Variants in RPGRIP1 observed in about 807,000 individuals in gnomAD.
RPGRIP1 encodes the protein RPGR interacting protein 1.
Under a neutral mutation model 157.9 loss-of-function variants are expected in RPGRIP1, and 128 were observed. The observed-to-expected ratio is 0.81, with a 90% CI of 0.70 to 0.94. RPGRIP1 has a LOEUF of 0.94. Ranked by LOEUF, RPGRIP1 falls within the 40% of genes least tolerant of loss-of-function variation. RPGRIP1 has a pLI of 0.00. For missense variants in RPGRIP1, 1,486 were observed against 1,545.8 expected (o/e 0.96, Z 0.65); for synonymous variants, 554 against 571.6 (o/e 0.97, Z 0.44).
chr14:21,286,296 A>G (rs968736633), intron 1 of RPGRIP1, among the ~76,000 whole-genome samples: 1 of 151,876 alleles, frequency 6.6e-6, no homozygotes, highest in African/African-American at 2.4e-5. Context: ...TGGCTGATAC[A>G]TGTTTTAAAG....
At chr14:21,345,435 T>C (rs575632494) in intron 23 of RPGRIP1, among the ~76,000 whole-genome samples, 36 of 151,726 alleles carry the variant, frequency 2.4e-4, no homozygotes, top group Admixed American at 2.2e-3. Flanking sequence ...AGGGTCTCAC[T>C]CTGTCGTCCA....
chr14:21,321,299 A>T lies in RPGRIP1; in HGVS notation c.1508A>T (p.Gln503Leu), dbSNP rs754370735. 3 of 1,613,970 alleles carry T rather than the reference A, an allele frequency of 1.9e-6. No homozygotes were observed. ...PKNQEEKKLS[Q>L]VLNELQVSHA... is the part of the protein sequence containing the mutation. The stretch of plus-strand genomic sequence containing the variant: ...AACCAAGAAGAAAAGAAACTGTCCC[A>T]GGTGCTAAATGAGTTGCAAGTATCA... Residue 503 changes from glutamine to leucine, a missense_variant, in exon 13 of 25, where the codon CAG (glutamine) becomes CTG (leucine). Gln to Leu is a moderately radical substitution (Grantham distance 113). Transcript: ENST00000400017.
chr14:21,328,332 T>TAGCATTTCTCAGCTCCATGAGGAGA, intron 18 of RPGRIP1, 92 bp from the exon 19 acceptor site: 4 of 883,492 alleles, frequency 4.5e-6, no homozygotes, highest in Non-Finnish European at 7.1e-6. Context: ...AGGAGAGAAA[T>TAGCATTTCTCAGCTCCATGAGGAGA]GAAGTCTAAC....
chr14:21,315,698 C>G lies in RPGRIP1; in HGVS notation c.1152-1998C>G, dbSNP rs575684626. 5.9e-5 allele frequency among the ~76,000 whole-genome samples: 9 copies of G among 152,052 alleles called. No individual in the cohort carries two copies. The East Asian group carries it at 1.4e-3, about 23-fold the overall frequency. The stretch of plus-strand genomic sequence containing the variant: ...ATAGACATTACTATTTGCCTCTCCC[C>G]TTCATCACTCAAAATACTATTTTCT... On this transcript the variant is annotated intron_variant, in intron 10 of 24. Transcript: ENST00000400017.
At chr14:21,299,518 T>C (rs2139154022) in intron 3 of RPGRIP1, among the ~76,000 whole-genome samples, 1 of 152,284 alleles carries the variant, frequency 6.6e-6, no homozygotes, top group South Asian at 2.1e-4. Context: ...TATAATGATA[T>C]GTAATAATAA....
intron 12 of RPGRIP1, among the ~76,000 whole-genome samples, chr14:21,321,030 T>C (rs953164451): frequency 5.3e-5 from 8 of 152,208 alleles, no homozygotes; most frequent in Non-Finnish European, 1.0e-4. Context: ...AAAAGATCTG[T>C]GGAAGAGCAA....
chr14:21,349,491 C>CCCGAG (rs1331070951), intron 24 of RPGRIP1, among the ~76,000 whole-genome samples: 3 of 147,290 alleles, frequency 2.0e-5, no homozygotes, highest in Admixed American at 7.0e-5. Flanking sequence ...ACCTCTGCCT[C>CCCGAG]TTTCTTAATC....
chr14:21,300,325 T>G (rs1880970215), intron 3 of RPGRIP1, among the ~76,000 whole-genome samples: 1 of 139,716 alleles, frequency 7.2e-6, no homozygotes, highest in Non-Finnish European at 1.5e-5. Context: ...AAAAAAAGCC[T>G]CCGGAACACC....
chr14:21,285,529 C>T (rs1441920933), intron 1 of RPGRIP1, among the ~76,000 whole-genome samples: 3 of 150,404 alleles, frequency 2.0e-5, no homozygotes, highest in African/African-American at 4.9e-5. Context: ...CACTTGAACT[C>T]GGGAGGTGGA....
At chr14:21,332,858 G>A (rs1883931876) in intron 20 of RPGRIP1, among the ~76,000 whole-genome samples, 1 of 152,176 alleles carries the variant, frequency 6.6e-6, no homozygotes, top group South Asian at 2.1e-4. Context: ...TGTACTCCCA[G>A]CAGTTTGGGA....
intron 17 of RPGRIP1, among the ~76,000 whole-genome samples, chr14:21,326,832 A>G (rs1467635279): frequency 6.6e-6 from 1 of 152,138 alleles, no homozygotes; most frequent in Non-Finnish European, 1.5e-5. Flanking sequence ...CAAGTTAGAG[A>G]GATTTCCACA....
intron 16 of RPGRIP1, 66 bp downstream of exon 16, chr14:21,325,449 C>A: frequency 7.1e-7 from 1 of 1,403,256 alleles, no homozygotes; most frequent in Non-Finnish European, 9.7e-7. Context: ...GAGCACAGTT[C>A]AGTCTTCCAC....
chr14:21,317,632 A>G (rs1264775300), intron 10 of RPGRIP1, 64 bp from the exon 11 acceptor site: 2 of 1,553,214 alleles, frequency 1.3e-6, no homozygotes. Flanking sequence ...CTGAAACTGG[A>G]TAATAAAGAC....
chr14:21,308,872 G>GA (rs1021031102), intron 7 of RPGRIP1, among the ~76,000 whole-genome samples: 1 of 152,114 alleles, frequency 6.6e-6, no homozygotes, highest in African/African-American at 2.4e-5. Context: ...GTAGCCTGTG[G>GA]AAAAAACTGG....
chr14:21,328,057 C>T (rs1236335868), intron 18 of RPGRIP1, among the ~76,000 whole-genome samples: 1 of 152,090 alleles, frequency 6.6e-6, no homozygotes, highest in Non-Finnish European at 1.5e-5. Flanking sequence ...GTAATCCCAG[C>T]TACTGGGAGG....
chr14:21,294,950 TCTC>T, intron 3 of RPGRIP1, 141 bp downstream of exon 3: 1 of 626,056 alleles, frequency 1.6e-6, no homozygotes, highest in Non-Finnish European at 2.4e-6. Context: ...TTCAAGCAAT[TCTC>T]CTGCCCCAGC....
intron 16 of RPGRIP1, among the ~76,000 whole-genome samples, 190 bp downstream of exon 16, chr14:21,325,573 G>A (rs1412576433): frequency 1.3e-5 from 2 of 152,190 alleles, no homozygotes; most frequent in Non-Finnish European, 2.9e-5. Flanking sequence ...CCTTTGGAGC[G>A]AGCTACATCC....
chr14:21,317,940 C>A (rs1848494287), intron 11 of RPGRIP1, 90 bp downstream of exon 11: 4 of 1,085,184 alleles, frequency 3.7e-6, no homozygotes, highest in Admixed American at 4.4e-5. Flanking sequence ...TTCTTTAATC[C>A]CCTCACTTGA....
intron 23 of RPGRIP1, among the ~76,000 whole-genome samples, chr14:21,347,884 C>G (rs1453871671): frequency 6.6e-6 from 1 of 152,116 alleles, no homozygotes; most frequent in Non-Finnish European, 1.5e-5. Flanking sequence ...TGCCACCATG[C>G]CCGGCTAATT....
Sources: allele counts gnomAD v4.1 joint callset (sites outside exome capture counted in the v4.1 genomes callset), GRCh38; gene constraint gnomAD v4.1.1; transcripts MANE v1.5; gene names NCBI Gene and HGNC (gene_info 2026-07-23, HGNC 2026-07-21).